RTN3: variants seen among roughly 807,000 people sequenced by gnomAD.
RTN3 encodes reticulon-3.
A neutral mutation model predicts 77.8 loss-of-function variants in RTN3; 49 were observed. That is an observed-to-expected ratio of 0.63 (90% CI 0.50 to 0.80). The LOEUF (loss-of-function observed/expected upper bound fraction) is 0.80, where lower values mean the gene tolerates loss of function less well. Ranked by LOEUF, RTN3 falls within the 30% of genes least tolerant of loss-of-function variation. The pLI, the probability that RTN3 is intolerant of heterozygous loss-of-function variation, is 0.00. For synonymous variants in RTN3, 464 were observed against 446.9 expected (o/e 1.04, Z -0.48); for missense variants, 1,236 against 1,211.9 (o/e 1.02, Z -0.29).
At chr11:63,683,002 T>C in intron 1 of RTN3, among the ~76,000 whole-genome samples, 1 of 152,192 alleles carries the variant, frequency 6.6e-6, no homozygotes, top group East Asian at 1.9e-4. Context: ...CATTTTTTTT[T>C]AATGCTTCGT....
At chr11:63,752,122 C>A (rs2014137527) in intron 4 of RTN3, among the ~76,000 whole-genome samples, 1 of 140,906 alleles carries the variant, frequency 7.1e-6, no homozygotes, top group Non-Finnish European at 1.5e-5. Flanking sequence ...TTAGCATAAA[C>A]AAAATATAGT....
chr11:63,718,699 T>C lies in RTN3; in HGVS notation c.200-3T>C, dbSNP rs376568600. The C allele has an allele frequency of 1.3e-6, 2 of 1,559,106 alleles. No homozygotes were observed. The highest frequency in any genetic ancestry group is 2.8e-5 in the African/African-American group (2 of 72,276). On this transcript the variant is annotated splice_region_variant and splice_polypyrimidine_tract_variant and intron_variant, in intron 2 of 8. Transcript: ENST00000377819. Reference sequence around the variant, plus strand: ...ATTTTTTTCTTTGAAATTCTGATCATAGAGGGATTGAGCTCTCTTTGCTCT... The same window carrying C: ...ATTTTTTTCTTTGAAATTCTGATCACAGAGGGATTGAGCTCTCTTTGCTCT...
chr11:63,711,058 T>A (rs889326902), intron 2 of RTN3, among the ~76,000 whole-genome samples: 5 of 152,054 alleles, frequency 3.3e-5, no homozygotes, highest in Non-Finnish European at 7.4e-5. Flanking sequence ...GGCGGGTGGA[T>A]CACTTGAGGT....
intron 1 of RTN3, among the ~76,000 whole-genome samples, chr11:63,689,571 G>T (rs946952534): frequency 2.0e-5 from 3 of 151,764 alleles, no homozygotes; most frequent in Admixed American, 6.6e-5. Flanking sequence ...TATGGGAGAA[G>T]ATTATCAGCA....
chr11:63,710,571 G>A (rs2011136107), intron 2 of RTN3, among the ~76,000 whole-genome samples: 1 of 152,146 alleles, frequency 6.6e-6, no homozygotes, highest in Non-Finnish European at 1.5e-5. Context: ...CCTGCTGTAT[G>A]CCTTGGTACT....
rs779831196 is a variant in RTN3, at chr11:63,758,338, C to T, written c.*137C>T. The T allele has an allele frequency of 8.7e-6, 14 of 1,611,238 alleles. No homozygotes were observed. The highest frequency in any genetic ancestry group is 3.3e-5 in the Admixed American group (2 of 59,722). ...AGCTTTTTTTTTAATTTGGTGTTTTCTCCCATCCTTTCCCTTTAACCCTCA... is the reference window on the plus strand; with the variant it reads ...AGCTTTTTTTTTAATTTGGTGTTTTTTCCCATCCTTTCCCTTTAACCCTCA... On this transcript the variant is annotated 3_prime_UTR_variant, in exon 9 of 9. Coordinates refer to ENST00000377819, the MANE Select transcript of RTN3 (RefSeq NM_001265589.2).
intron 1 of RTN3, among the ~76,000 whole-genome samples, chr11:63,700,637 T>G (rs1223707087): frequency 1.3e-5 from 2 of 151,278 alleles, no homozygotes; most frequent in African/African-American, 2.4e-5. Flanking sequence ...GGAGTCTCAC[T>G]TTGTCACCCA....
At position 63,719,285 on chromosome 11, in the gene RTN3, T is replaced by C. The variant is rs1359825975; in HGVS notation, c.783T>C (p.Phe261=). 3.1e-6 allele frequency: 5 copies of C among 1,613,992 alleles called. No individual in the cohort carries two copies. In the African/African-American group the frequency reaches 5.3e-5, roughly 17 times the overall value. The change falls in exon 3 of 9, where the codon TTT becomes TTC. Residue 261 remains phenylalanine, a synonymous_variant. Coordinates refer to ENST00000377819, the MANE Select transcript of RTN3 (RefSeq NM_001265589.2). Reference sequence around the variant, plus strand: ...ACAAAGCAGCATTTGACAAAGAATTTAAAGACTCATATAAGGAGAGCACAG... The same window carrying C: ...ACAAAGCAGCATTTGACAAAGAATTCAAAGACTCATATAAGGAGAGCACAG... The part of the protein sequence containing the change: ...IIDKAAFDKE[F]KDSYKESTDD...
rs766609148 is a variant in RTN3, at chr11:63,718,725, GA to G, written c.224del (p.Asp75ValfsTer8). The G allele has an allele frequency of 1.6e-4, 252 of 1,595,262 alleles. No homozygotes were observed. Among genetic ancestry groups the G allele is most frequent in the Non-Finnish European group, 1.2e-5 (14 of 1,174,442 alleles). On this transcript the variant is annotated frameshift_variant, in exon 3 of 9. Transcript: ENST00000377819. LOFTEE classifies it high-confidence loss of function. ...SQEGLSSLCS[D>X]EPSSEIMTSS... The stretch of plus-strand genomic sequence containing the variant: ...AGAGGGATTGAGCTCTCTTTGCTCT[GA>G]TGAGCCATCTTCAGAAATTATGACT...
At chr11:63,698,564 T>G (rs1942078354) in intron 1 of RTN3, 1 of 158,280 alleles carries the variant, frequency 6.3e-6, no homozygotes, top group Admixed American at 6.5e-5. Flanking sequence ...TGATCCCCTT[T>G]AAATACACAT....
chr11:63,758,177 A>C lies in RTN3; in HGVS notation c.3075A>C (p.Gly1025=), dbSNP rs750654049. The change falls in exon 9 of 9, where the codon GGA becomes GGC. Residue 1025 remains glycine (G), a synonymous_variant. Transcript: ENST00000377819. ...ATAGGATCCAAGCAAAACTCCCTGG[A>C]ATCGCCAAAAAAAAGGCAGAATAAG... ...IVEKIQAKLP[G]IAKKKAE The C allele has an allele frequency of 6.2e-7, 1 of 1,609,146 alleles. No individual in the cohort carries two copies. The highest frequency in any genetic ancestry group is 8.5e-7 in the Non-Finnish European group (1 of 1,178,612).
At position 63,709,708 on chromosome 11, in the gene RTN3, T is replaced by TA. The variant is rs1371415637; in HGVS notation, c.199+4802dup. On this transcript the variant is annotated intron_variant, in intron 2 of 8. Transcript: ENST00000377819. ...TGATGCTGTGGCTGCAAGTTGTTGATACTGTTTTGCACGAATTTGTCTTGT... is the reference window on the plus strand; with the variant it reads ...TGATGCTGTGGCTGCAAGTTGTTGATAACTGTTTTGCACGAATTTGTCTTGT... 7.2e-5 allele frequency among the ~76,000 whole-genome samples: 11 copies of TA among 152,204 alleles called. 1 individual carries two copies. The highest frequency in any genetic ancestry group is 2.7e-4 in the African/African-American group (11 of 41,462).
At chr11:63,722,727 G>T (rs2011910476) in intron 3 of RTN3, among the ~76,000 whole-genome samples, 1 of 152,168 alleles carries the variant, frequency 6.6e-6, no homozygotes, top group Non-Finnish European at 1.5e-5. Context: ...GCTGTGCTGT[G>T]TCTAGAAGTA....
At chr11:63,741,915 T>A (rs1343983683) in intron 3 of RTN3, among the ~76,000 whole-genome samples, 1 of 152,198 alleles carries the variant, frequency 6.6e-6, no homozygotes, top group African/African-American at 2.4e-5. Flanking sequence ...TAATGGTAGC[T>A]TTATATTTAA....
chr11:63,727,619 CAT>C (rs1330835614), intron 3 of RTN3, among the ~76,000 whole-genome samples: 3 of 152,098 alleles, frequency 2.0e-5, no homozygotes, highest in East Asian at 1.9e-4. Context: ...AGAAAGAACA[CAT>C]ATTTTTTAAA....
rs539547826 is a variant in RTN3, at chr11:63,720,583, A to G, written c.2081A>G (p.His694Arg). Residue 694 changes from histidine (H) to arginine (R), a missense_variant, in exon 3 of 9, where the codon CAT becomes CGT. Physicochemically the swap from His to Arg is conservative, Grantham distance 29. This residue lies in a region of RTN3 where 1,056 missense variants were observed against 990.4 expected (regional missense o/e 1.07). Transcript: ENST00000377819. ...FKTTPPVEVL[H>R]ENESGGSEIK... is the part of the protein sequence containing the mutation. ...ACAACTCCTCCTGTAGAAGTCTTAC[A>G]TGAAAATGAGTCCGGTGGTTCTGAA... 7.4e-6 allele frequency: 12 copies of G among 1,614,144 alleles called. 1 individual carries two copies. In the South Asian group the frequency reaches 1.1e-4, roughly 15 times the overall value.
At chr11:63,753,256 ACC>A (rs758790669) in intron 6 of RTN3, 118 bp downstream of exon 6, 1 of 946,744 alleles carries the variant, frequency 1.1e-6, no homozygotes, top group Non-Finnish European at 1.6e-6. Context: ...ACCCATAGAG[ACC>A]TGGGAGTAGA....
intron 1 of RTN3, among the ~76,000 whole-genome samples, chr11:63,683,059 C>G (rs879622809): frequency 1.4e-4 from 21 of 152,042 alleles, no homozygotes; most frequent in Non-Finnish European, 2.9e-4. Context: ...AATTTCTGAT[C>G]TTAACCTTAA....
At position 63,720,229 on chromosome 11, in the gene RTN3, C is replaced by T; in HGVS notation, c.1727C>T (p.Pro576Leu). The T allele has an allele frequency of 5.0e-6, 8 of 1,614,044 alleles. No individual in the cohort carries two copies. The South Asian group carries it at 5.5e-5, about 11-fold the overall frequency. ...QDQPDILGRSPASEAACSKVP... is the reference protein window; with the variant it reads ...QDQPDILGRSLASEAACSKVP... ...CAGCCTGATATTCTTGGAAGGAGTC[C>T]AGCTAGTGAGGCAGCATGTTCAAAA... is the stretch of plus-strand genomic sequence containing the variant. Residue 576 changes from proline to leucine, a missense_variant, in exon 3 of 9, where the codon CCA (proline) becomes CTA (leucine). Physicochemically the swap from Pro to Leu is moderately conservative, Grantham distance 98. Transcript: ENST00000377819.
Sources: gnomAD v4.1 joint callset for allele counts (sites outside exome capture counted in the v4.1 genomes callset) on GRCh38, gnomAD v4.1.1 for gene constraint, gnomAD v4.1.1 regional missense constraint, MANE v1.5 for transcripts, NCBI Gene and HGNC (gene_info 2026-07-23, HGNC 2026-07-21) for gene names.